The following SLC35A5 variants were observed in gnomAD, a reference collection of about 807,000 sequenced individuals.
The protein encoded by SLC35A5 is solute carrier family 35 member A5.
A neutral mutation model predicts 36.3 loss-of-function variants in SLC35A5; 28 were observed. The observed-to-expected ratio is 0.77, with a 90% CI of 0.57 to 1.06. The LOEUF (loss-of-function observed/expected upper bound fraction) is 1.06. SLC35A5 is among the 50% of genes least tolerant of loss of function. The probability of loss-of-function intolerance (pLI) is 0.00; values close to 1 mark genes in which losing one functional copy is unlikely to be tolerated. For synonymous variants in SLC35A5, 180 were observed against 173.7 expected, an observed-to-expected ratio of 1.04 and a Z score of -0.29; for missense variants, 521 against 499.3, an observed-to-expected ratio of 1.04 and a Z score of -0.41.
upstream of SLC35A5, chr3:112,561,530 C>A: frequency 5.1e-6 from 8 of 1,562,156 alleles, no homozygotes; most frequent in Non-Finnish European, 6.9e-6. Context: ...ATTCTGCATC[C>A]TGGGGCCGGA....
chr3:112,561,546 G>T, upstream of SLC35A5: 1 of 1,599,840 alleles, frequency 6.3e-7, no homozygotes, highest in Non-Finnish European at 8.5e-7. Flanking sequence ...CCGGAGTAGC[G>T]GCCGGCCCCG....
chr3:112,562,619 T>G (rs1451102856), intron 1 of SLC35A5, among the ~76,000 whole-genome samples: 1 of 152,226 alleles, frequency 6.6e-6, no homozygotes, highest in Non-Finnish European at 1.5e-5. Context: ...ACTAACTAGT[T>G]CAGTAAAACT....
chr3:112,578,649 A>G (rs767325413), intron 5 of SLC35A5, among the ~76,000 whole-genome samples: 4 of 152,190 alleles, frequency 2.6e-5, no homozygotes, highest in Non-Finnish European at 5.9e-5. Context: ...TTTAATTTTT[A>G]GCTTAATCCT....
intron 5 of SLC35A5, among the ~76,000 whole-genome samples, chr3:112,577,133 G>A (rs2638038): frequency 0.98 from 148,923 of 151,614 alleles, 73,146 homozygotes; most frequent in Admixed American, 0.99. Flanking sequence ...AAAAGAATAT[G>A]AGGCTACAAA....
Position 112,570,536 on chromosome 3 carries a change from T to G in SLC35A5, c.230-4T>G. On this transcript the variant is annotated splice_polypyrimidine_tract_variant and splice_region_variant and intron_variant, in intron 3 of 6. Transcript: ENST00000492406. ...AGGTCATTTACACCGTGTTTCTTTCTAAGATCATCAAAGTAGAAATTTGAA... is the reference window on the plus strand; with the variant it reads ...AGGTCATTTACACCGTGTTTCTTTCGAAGATCATCAAAGTAGAAATTTGAA... 6.2e-7 allele frequency: 1 copy of G among 1,605,616 alleles called. No individual in the cohort carries two copies. Among genetic ancestry groups the G allele is most frequent in the Non-Finnish European group, 8.5e-7 (1 of 1,177,228 alleles).
At chr3:112,569,841 C>T (rs1198160674) in intron 3 of SLC35A5, among the ~76,000 whole-genome samples, 1 of 152,192 alleles carries the variant, frequency 6.6e-6, no homozygotes, top group East Asian at 1.9e-4. Context: ...TCCGCTCCCT[C>T]CCTCTGCCTC....
intron 4 of SLC35A5, among the ~76,000 whole-genome samples, chr3:112,573,447 A>G (rs781671573): frequency 2.6e-5 from 4 of 152,206 alleles, no homozygotes; most frequent in Non-Finnish European, 5.9e-5. Flanking sequence ...AATTGATACA[A>G]TTCCTAGAAT....
intron 5 of SLC35A5, among the ~76,000 whole-genome samples, 159 bp from the exon 6 acceptor site, chr3:112,580,387 A>AG (rs1380491834): frequency 6.6e-6 from 1 of 152,192 alleles, no homozygotes; most frequent in Non-Finnish European, 1.5e-5. Context: ...TTTGAGAGAC[A>AG]GGCACCAACA....
At chr3:112,579,164 A>G (rs1291748881) in intron 5 of SLC35A5, among the ~76,000 whole-genome samples, 1 of 152,192 alleles carries the variant, frequency 6.6e-6, no homozygotes, top group African/African-American at 2.4e-5. Context: ...CTGGAAACTT[A>G]GAATTATACT....
chr3:112,568,236 A>C (rs966732380), intron 2 of SLC35A5, among the ~76,000 whole-genome samples: 3 of 152,234 alleles, frequency 2.0e-5, no homozygotes, highest in Non-Finnish European at 2.9e-5. Context: ...GGGAAACCAC[A>C]GGAGAGTGGA....
chr3:112,578,079 A>G (rs893649691), intron 5 of SLC35A5, among the ~76,000 whole-genome samples: 10 of 152,216 alleles, frequency 6.6e-5, no homozygotes, highest in African/African-American at 2.4e-4. Context: ...GAAAATATCT[A>G]AACAATTTAT....
intron 1 of SLC35A5, among the ~76,000 whole-genome samples, chr3:112,562,800 A>C (rs1165028687): frequency 3.9e-5 from 6 of 152,166 alleles, no homozygotes; most frequent in Non-Finnish European, 8.8e-5. Flanking sequence ...GCGGTGGCTC[A>C]CGCCTGTAAT....
intron 1 of SLC35A5, among the ~76,000 whole-genome samples, chr3:112,562,481 T>G (rs1024584967): frequency 6.6e-6 from 1 of 152,228 alleles, no homozygotes; most frequent in Non-Finnish European, 1.5e-5. Context: ...GCAGGCTCTA[T>G]GCGCTATTCC....
At chr3:112,562,428 C>T (rs922718164) in intron 1 of SLC35A5, among the ~76,000 whole-genome samples, 155 bp downstream of exon 1, 1 of 152,184 alleles carries the variant, frequency 6.6e-6, no homozygotes, top group Admixed American at 6.5e-5. Context: ...TGTAGGCGTG[C>T]GCCCAATGGG....
rs543214253 is a variant in SLC35A5, at chr3:112,562,365, G to C, written c.-20+92G>C. 3.1e-4 allele frequency: 48 copies of C among 152,438 alleles called. No individual in the cohort carries two copies. The East Asian group carries it at 8.3e-3, about 26-fold the overall frequency. The allele number at this position is 152,438 out of a possible 1,614,324, so 9.4% of individuals were successfully genotyped here. A position where few individuals can be genotyped will look rare whatever the true frequency, so the allele number is the denominator to read the frequency against. ...CTACTGCGCATGTGTGACTAGAAGG[G>C]TAGTCCCTGACTGTGAAGGGAAATC... is the stretch of plus-strand genomic sequence containing the variant. On this transcript the variant is annotated intron_variant, in intron 1 of 6. Coordinates refer to ENST00000492406, the MANE Select transcript of SLC35A5 (RefSeq NM_017945.5).
chr3:112,570,752 G>A lies in SLC35A5; in HGVS notation c.360+82G>A, dbSNP rs144284527. On this transcript the variant is annotated intron_variant, in intron 4 of 6. Coordinates refer to ENST00000492406, the MANE Select transcript of SLC35A5 (RefSeq NM_017945.5). Reference sequence around the variant, plus strand: ...GAATTTTTTTTTTTTTATCATTTTTGTTGGCATTGTTAGTTTCTCATTGTC... The same window carrying A: ...GAATTTTTTTTTTTTTATCATTTTTATTGGCATTGTTAGTTTCTCATTGTC... The A allele has an allele frequency of 3.9e-4, 527 of 1,347,236 alleles. 4 individuals are homozygous for A. The East Asian group carries it at 0.011, about 28-fold the overall frequency. The allele number at this position is 1,347,236 out of a possible 1,614,324, so 83.5% of individuals were successfully genotyped here. A position where few individuals can be genotyped will look rare whatever the true frequency, so the allele number is the denominator to read the frequency against.
intron 3 of SLC35A5, among the ~76,000 whole-genome samples, chr3:112,569,737 C>A (rs1371094679): frequency 2.0e-5 from 3 of 152,150 alleles, no homozygotes; most frequent in African/African-American, 2.4e-5. Flanking sequence ...GATACTAATT[C>A]CTTTCTCAAA....
chr3:112,566,292 C>T (rs968709700), intron 2 of SLC35A5, among the ~76,000 whole-genome samples: 1 of 152,178 alleles, frequency 6.6e-6, no homozygotes, highest in African/African-American at 2.4e-5. Flanking sequence ...GGAGCTATGT[C>T]CCTACTGCAG....
chr3:112,570,684 A>G lies in SLC35A5; in HGVS notation c.360+14A>G, dbSNP rs1934400049. 6.5e-7 allele frequency: 1 copy of G among 1,540,840 alleles called. No individual in the cohort carries two copies. Among genetic ancestry groups the G allele is most frequent in the Non-Finnish European group, 8.7e-7 (1 of 1,151,348 alleles). On this transcript the variant is annotated intron_variant, in intron 4 of 6. Coordinates refer to ENST00000492406, the MANE Select transcript of SLC35A5 (RefSeq NM_017945.5). ...TATCTTCAACCAGTAAGTAAATATG[A>G]AAAAGAAAATACCATTGAAAAGATA...
Sources: gnomAD v4.1 joint callset for allele counts (sites outside exome capture counted in the v4.1 genomes callset) on GRCh38, gnomAD v4.1.1 for gene constraint, MANE v1.5 for transcripts, NCBI Gene and HGNC (gene_info 2026-07-23, HGNC 2026-07-21) for gene names.